SYNJ2BP: variants seen among roughly 807,000 people sequenced by gnomAD.
SYNJ2BP encodes the protein synaptojanin-2-binding protein.
A neutral mutation model predicts 16.9 loss-of-function variants in SYNJ2BP; 10 were observed. The ratio of observed to expected loss-of-function variants is 0.59; its 90% CI spans 0.36 to 1.00. The LOEUF is 1.00. SYNJ2BP is among the 50% of genes least tolerant of loss of function. SYNJ2BP has a pLI of 0.01. For missense variants in SYNJ2BP, 162 were observed against 186.7 expected (o/e 0.87, Z 0.77); for synonymous variants, 54 against 68.4 (o/e 0.79, Z 1.04).
chr14:70,385,270 T>C (rs1171220746), intron 2 of SYNJ2BP, among the ~76,000 whole-genome samples: 1 of 152,194 alleles, frequency 6.6e-6, no homozygotes, highest in East Asian at 1.9e-4. Context: ...TCTAATAATC[T>C]TCTTTACATT....
intron 1 of SYNJ2BP, among the ~76,000 whole-genome samples, chr14:70,406,365 T>A (rs1362431334): frequency 6.6e-6 from 1 of 152,232 alleles, no homozygotes; most frequent in Non-Finnish European, 1.5e-5. Flanking sequence ...ATTGTCCTTG[T>A]TCATTCCTGG....
At chr14:70,398,539 C>T (rs536266682) in intron 1 of SYNJ2BP, among the ~76,000 whole-genome samples, 5 of 152,264 alleles carry the variant, frequency 3.3e-5, no homozygotes, top group African/African-American at 4.8e-5. Context: ...CACACTGGGC[C>T]GGGCTTTGAC....
At chr14:70,414,188 T>C (rs952531733) in intron 1 of SYNJ2BP, among the ~76,000 whole-genome samples, 5 of 152,202 alleles carry the variant, frequency 3.3e-5, no homozygotes, top group Non-Finnish European at 7.3e-5. Context: ...ACTTGAAACC[T>C]TTCTTTGTTA....
intron 1 of SYNJ2BP, among the ~76,000 whole-genome samples, chr14:70,393,187 CG>C (rs2140842025): frequency 6.6e-6 from 1 of 152,268 alleles, no homozygotes; most frequent in Admixed American, 6.5e-5. Context: ...GACATTTATA[CG>C]GCCAACAACA....
chr14:70,372,862 AG>A lies in SYNJ2BP; in HGVS notation c.*128del. On this transcript the variant is annotated 3_prime_UTR_variant, in exon 4 of 4. Transcript: ENST00000256366. ...GAAGAATTGGAGACTGTGAACAGCA[AG>A]GTTTGGGGTGGGTATCAGTCACTTC... 1 of 1,343,640 alleles carries A rather than the reference AG, an allele frequency of 7.4e-7. No homozygotes were observed. Among genetic ancestry groups the A allele is most frequent in the Non-Finnish European group, 1.0e-6 (1 of 986,936 alleles). The allele number at this position is 1,343,640 out of a possible 1,614,324, so 83.2% of individuals were successfully genotyped here.
At chr14:70,410,217 C>T (rs184668566) in intron 1 of SYNJ2BP, among the ~76,000 whole-genome samples, 1 of 152,222 alleles carries the variant, frequency 6.6e-6, no homozygotes, top group East Asian at 1.9e-4. Context: ...GAGTTGGAGA[C>T]CAGCCTGGGC....
intron 1 of SYNJ2BP, among the ~76,000 whole-genome samples, chr14:70,411,915 A>C (rs1296215119): frequency 6.6e-6 from 1 of 152,236 alleles, no homozygotes; most frequent in Non-Finnish European, 1.5e-5. Context: ...TGTAAACTCC[A>C]TGAAGGCGAG....
Position 70,383,918 on chromosome 14 carries a change from C to G in SYNJ2BP, c.201+4552G>C, listed in dbSNP as rs180927819. On this transcript the variant is annotated intron_variant, in intron 2 of 3. Transcript: ENST00000256366. Reference sequence around the variant, plus strand: ...TTAAGTTTAAATCATCTACAGTGATCATAAAAAATGAAATTTCACTTTTGA... The same window carrying G: ...TTAAGTTTAAATCATCTACAGTGATGATAAAAAATGAAATTTCACTTTTGA... Among the ~76,000 whole-genome samples the G allele has an allele frequency of 1.4e-4, 21 of 151,584 alleles. No homozygotes were observed. In the East Asian group the frequency reaches 4.1e-3, roughly 29 times the overall value.
chr14:70,374,060 G>A (rs1887573709), intron 3 of SYNJ2BP, among the ~76,000 whole-genome samples: 1 of 152,212 alleles, frequency 6.6e-6, no homozygotes, highest in South Asian at 2.1e-4. Context: ...AAGAAGGCAT[G>A]GTTTTTAGGG....
At chr14:70,408,192 C>T (rs7143690) in intron 1 of SYNJ2BP, among the ~76,000 whole-genome samples, 103,532 of 151,022 alleles carry the variant, frequency 0.69, 36,016 homozygotes, top group Non-Finnish European at 0.75. Context: ...AAAAGAGAAA[C>T]AGAAGCCCCA....
At chr14:70,382,051 A>G (rs1270426619) in intron 2 of SYNJ2BP, among the ~76,000 whole-genome samples, 3 of 152,190 alleles carry the variant, frequency 2.0e-5, no homozygotes, top group Non-Finnish European at 4.4e-5. Context: ...CCTAGCTAAC[A>G]TGGTGAAACC....
At chr14:70,399,018 G>A (rs1353038623) in intron 1 of SYNJ2BP, among the ~76,000 whole-genome samples, 3 of 152,286 alleles carry the variant, frequency 2.0e-5, no homozygotes, top group South Asian at 4.1e-4. Context: ...CCCAGATGCA[G>A]GGTGGACCCC....
chr14:70,396,604 A>G (rs114807977), intron 1 of SYNJ2BP, among the ~76,000 whole-genome samples: 9 of 59,604 alleles, frequency 1.5e-4, no homozygotes, highest in Non-Finnish European at 1.7e-4. Flanking sequence ...GTGTATATGT[A>G]TGTATATATA....
At chr14:70,388,189 C>T (rs1887902020) in intron 2 of SYNJ2BP, among the ~76,000 whole-genome samples, 1 of 152,168 alleles carries the variant, frequency 6.6e-6, no homozygotes, top group African/African-American at 2.4e-5. Flanking sequence ...TTTTAAATCT[C>T]TTTTCCCCAT....
At chr14:70,376,209 C>T (rs1400642995) in intron 2 of SYNJ2BP, among the ~76,000 whole-genome samples, 2 of 152,200 alleles carry the variant, frequency 1.3e-5, no homozygotes, top group African/African-American at 4.8e-5. Flanking sequence ...TGAAACTCTC[C>T]ACCAATTTAT....
chr14:70,389,445 C>T (rs1887933997), intron 1 of SYNJ2BP, among the ~76,000 whole-genome samples: 1 of 147,320 alleles, frequency 6.8e-6, no homozygotes. Context: ...AACCTCAGAA[C>T]CAGAAAGGTA....
At chr14:70,380,517 C>T (rs368853175) in intron 2 of SYNJ2BP, among the ~76,000 whole-genome samples, 2 of 151,956 alleles carry the variant, frequency 1.3e-5, no homozygotes, top group African/African-American at 4.8e-5. Context: ...CAAAAATAAG[C>T]TGGGCGTGGT....
intron 1 of SYNJ2BP, among the ~76,000 whole-genome samples, chr14:70,406,711 C>T (rs928721373): frequency 1.3e-5 from 2 of 152,098 alleles, no homozygotes; most frequent in Non-Finnish European, 2.9e-5. Context: ...GTAGTGCCCA[C>T]CCAAGAAACA....
Position 70,366,690 on chromosome 14 carries a change from G to C in SYNJ2BP, c.*6301C>G, listed in dbSNP as rs1887394714. ...ATAATAAATACAGTTTTATGTCCGTGTGTCTTCTGTGTCTTCCAAGTTGCT... is the reference window on the plus strand; with the variant it reads ...ATAATAAATACAGTTTTATGTCCGTCTGTCTTCTGTGTCTTCCAAGTTGCT... On this transcript the variant is annotated 3_prime_UTR_variant, in exon 4 of 4. Transcript: ENST00000256366. 2 of 152,138 alleles carry C rather than the reference G, an allele frequency of 1.3e-5. No homozygotes were observed. 9.4% of individuals were successfully genotyped at this position (152,138 alleles called of 1,614,324 possible). A position where few individuals can be genotyped will look rare whatever the true frequency, so the allele number is the denominator to read the frequency against.
Sources: gnomAD v4.1 joint callset for allele counts (sites outside exome capture counted in the v4.1 genomes callset) on GRCh38, gnomAD v4.1.1 for gene constraint, MANE v1.5 for transcripts, NCBI Gene and HGNC (gene_info 2026-07-23, HGNC 2026-07-21) for gene names.